The following ERICH5 variants were observed in gnomAD, a reference collection of about 807,000 sequenced individuals.
ERICH5 encodes the protein glutamate rich 5.
ERICH5 carries 24 observed loss-of-function variants against 28.0 expected under a neutral mutation model. The observed-to-expected ratio is 0.86, with a 90% CI of 0.62 to 1.21. The LOEUF (loss-of-function observed/expected upper bound fraction) is 1.21, where lower values mean the gene tolerates loss of function less well. ERICH5 is among the 50% of genes most tolerant of loss of function. The probability of loss-of-function intolerance (pLI) is 0.00; values close to 1 mark genes in which losing one functional copy is unlikely to be tolerated. For synonymous variants in ERICH5, 163 were observed against 157.6 expected, an observed-to-expected ratio of 1.03 and a Z score of -0.25; for missense variants, 421 against 441.2, an observed-to-expected ratio of 0.95 and a Z score of 0.41.
Position 98,090,091 on chromosome 8 carries a change from G to C in ERICH5, c.1012+62G>C, listed in dbSNP as rs971866337. The C allele has an allele frequency of 1.3e-5, 16 of 1,262,690 alleles. No homozygotes were observed. The Middle Eastern group carries it at 7.7e-4, about 61-fold the overall frequency. The allele number at this position is 1,262,690 out of a possible 1,614,324, so 78.2% of individuals were successfully genotyped here. ...TGCTCCATAGGAGACCAGCTCTGGG[G>C]AGTGGGATGGGGTGACTGACACACA... On this transcript the variant is annotated intron_variant, in intron 2 of 2. Transcript: ENST00000318528.
chr8:98,076,071 AT>A (rs1815047735), intron 1 of ERICH5, among the ~76,000 whole-genome samples: 1 of 87,656 alleles, frequency 1.1e-5, no homozygotes, highest in East Asian at 3.6e-4. Context: ...TTTTTGTGAG[AT>A]GGAGTCTCTC....
intron 1 of ERICH5, among the ~76,000 whole-genome samples, chr8:98,067,598 T>G (rs1433568287): frequency 2.0e-5 from 3 of 151,748 alleles, no homozygotes; most frequent in Non-Finnish European, 2.9e-5. Context: ...TACAATACAA[T>G]CAACAAATTA....
chr8:98,090,228 C>T (rs918095556), intron 2 of ERICH5, among the ~76,000 whole-genome samples, 199 bp downstream of exon 2: 1 of 152,004 alleles, frequency 6.6e-6, no homozygotes, highest in African/African-American at 2.4e-5. Flanking sequence ...AAAACTTTTC[C>T]GAAACATCAT....
chr8:98,085,999 G>T (rs746533423), intron 1 of ERICH5, among the ~76,000 whole-genome samples: 9 of 152,124 alleles, frequency 5.9e-5, no homozygotes, highest in Non-Finnish European at 1.0e-4. Flanking sequence ...AACTGCTTTT[G>T]TACATCCCAT....
rs1243255313 is a variant in ERICH5, at chr8:98,089,625, T to G, written c.608T>G (p.Leu203Arg). The part of the protein sequence containing the change: ...NVLTLQIAGE[L>R]QPQGTVGKDE... ...CTGACTCTGCAAATAGCTGGAGAGC[T>G]ACAACCTCAGGGCACAGTGGGAAAG... Residue 203 changes from leucine (L) to arginine (R), a missense_variant, in exon 2 of 3, where the codon CTA (leucine) becomes CGA (arginine). Coordinates refer to ENST00000318528, the MANE Select transcript of ERICH5 (RefSeq NM_173549.3). 7 of 1,614,168 alleles carry G rather than the reference T, an allele frequency of 4.3e-6. No individual in the cohort carries two copies. The highest frequency in any genetic ancestry group is 5.9e-6 in the Non-Finnish European group (7 of 1,180,036).
At chr8:98,076,076 GTC>G (rs34323229) in intron 1 of ERICH5, among the ~76,000 whole-genome samples, 98,553 of 151,108 alleles carry the variant, frequency 0.65, 32,624 homozygotes, top group African/African-American at 0.76. Flanking sequence ...GTGAGATGGA[GTC>G]TCTCTCTCTC....
intron 1 of ERICH5, among the ~76,000 whole-genome samples, chr8:98,082,796 G>C (rs1437573722): frequency 6.6e-6 from 1 of 152,198 alleles, no homozygotes; most frequent in African/African-American, 2.4e-5. Context: ...ACTTGAACCT[G>C]AGAGGTTGAG....
intron 2 of ERICH5, among the ~76,000 whole-genome samples, chr8:98,091,897 T>TTTCTTTCTTTC (rs1554621694): frequency 2.2e-5 from 1 of 45,462 alleles, no homozygotes; most frequent in African/African-American, 7.1e-5. Flanking sequence ...TCTTTCTTTC[T>TTTCTTTCTTTC]TTCCTTTCTT....
intron 1 of ERICH5, among the ~76,000 whole-genome samples, chr8:98,072,510 C>A (rs1190002682): frequency 6.6e-6 from 1 of 152,094 alleles, no homozygotes; most frequent in South Asian, 2.1e-4. Flanking sequence ...TGGTGGCACA[C>A]GCTTGTTGTC....
At chr8:98,067,384 G>A (rs1563751960) in intron 1 of ERICH5, among the ~76,000 whole-genome samples, 3 of 151,766 alleles carry the variant, frequency 2.0e-5, no homozygotes, top group Non-Finnish European at 1.5e-5. Context: ...CTTGAGCCCA[G>A]GAGTTCAAGG....
chr8:98,089,201 T>A lies in ERICH5; in HGVS notation c.184T>A (p.Leu62Ile), dbSNP rs142445637. The A allele has an allele frequency of 8.4e-4, 1,355 of 1,614,176 alleles. 1 individual carries two copies. Among genetic ancestry groups the A allele is most frequent in the Non-Finnish European group, 9.9e-4 (1,169 of 1,180,034 alleles). The change falls in exon 2 of 3, where the codon TTA (leucine) becomes ATA (isoleucine). Residue 62 changes from leucine to isoleucine, a missense_variant. Physicochemically the swap from Leu to Ile is conservative, Grantham distance 5. Transcript: ENST00000318528. ...GNVQRESRPP[L>I]QKLKVSAEPT... ...TGTACAAAGGGAAAGCCGTCCTCCC[T>A]TACAAAAGCTCAAGGTTTCAGCAGA...
chr8:98,091,944 T>TCTTC lies in ERICH5; in HGVS notation c.1013-1274_1013-1273insCCTT, dbSNP rs1563759695. 2.0e-3 allele frequency among the ~76,000 whole-genome samples: 53 copies of TCTTC among 26,466 alleles called. 3 individuals are homozygous for TCTTC. The highest frequency in any genetic ancestry group is 5.1e-3 in the African/African-American group (46 of 9,094). The allele number at this position is 26,466 out of a possible 152,430, so 17.4% of individuals were successfully genotyped here. ...TCCTTTCTTTCTTTCTTCCTTTCTT[T>TCTTC]CTTTCTTCTTTCTTTCTTTTTTCTT... On this transcript the variant is annotated intron_variant, in intron 2 of 2. Coordinates refer to ENST00000318528, the MANE Select transcript of ERICH5 (RefSeq NM_173549.3).
chr8:98,090,303 T>TGGAAACA (rs1815362279), intron 2 of ERICH5, among the ~76,000 whole-genome samples: 2 of 152,194 alleles, frequency 1.3e-5, no homozygotes, highest in South Asian at 2.1e-4. Flanking sequence ...ATGTGAAACT[T>TGGAAACA]TCTGAATTTT....
At chr8:98,073,514 A>ATATG (rs1814984869) in intron 1 of ERICH5, among the ~76,000 whole-genome samples, 1 of 6,326 alleles carries the variant, frequency 1.6e-4, no homozygotes, top group Non-Finnish European at 3.3e-4. Flanking sequence ...ATATATATAT[A>ATATG]TGTATATATA....
chr8:98,080,607 C>T (rs188256926), intron 1 of ERICH5, among the ~76,000 whole-genome samples: 35 of 151,658 alleles, frequency 2.3e-4, no homozygotes, highest in Non-Finnish European at 4.1e-4. Flanking sequence ...ACCTTCTTCT[C>T]CTTCTCCTTC....
intron 1 of ERICH5, among the ~76,000 whole-genome samples, chr8:98,081,325 C>T (rs1396240493): frequency 1.3e-5 from 2 of 152,010 alleles, no homozygotes; most frequent in Non-Finnish European, 2.9e-5. Flanking sequence ...AGGCAGGTCT[C>T]GAATTTCTGG....
intron 1 of ERICH5, among the ~76,000 whole-genome samples, chr8:98,083,067 T>C (rs1242291168): frequency 1.3e-5 from 2 of 152,240 alleles, no homozygotes; most frequent in Non-Finnish European, 1.5e-5. Flanking sequence ...TTTCAGAATG[T>C]AAAATTGTGT....
chr8:98,080,828 G>A (rs567654983), intron 1 of ERICH5, among the ~76,000 whole-genome samples: 19 of 151,416 alleles, frequency 1.3e-4, no homozygotes, highest in African/African-American at 4.1e-4. Flanking sequence ...TCAGTCTTCC[G>A]AGTAGCTGAG....
intron 1 of ERICH5, among the ~76,000 whole-genome samples, chr8:98,066,068 A>C (rs1814814619): frequency 6.6e-6 from 1 of 152,228 alleles, no homozygotes; most frequent in African/African-American, 2.4e-5. Context: ...CACTGACAAC[A>C]ATGTGAAAAG....
Sources: gnomAD v4.1 joint callset for allele counts (sites outside exome capture counted in the v4.1 genomes callset) on GRCh38, gnomAD v4.1.1 for gene constraint, MANE v1.5 for transcripts, NCBI Gene and HGNC (gene_info 2026-07-23, HGNC 2026-07-21) for gene names.